PAH: variants seen among roughly 807,000 people sequenced by gnomAD.
PAH encodes phenylalanine hydroxylase, also known as phenylalanine-4-hydroxylase.
PAH carries 64 observed loss-of-function variants against 62.0 expected under a neutral mutation model. The observed-to-expected ratio is 1.03, with a 90% CI of 0.84 to 1.27. The LOEUF (loss-of-function observed/expected upper bound fraction) is 1.27, where lower values mean the gene tolerates loss of function less well. PAH is among the 50% of genes most tolerant of loss of function. PAH has a pLI of 0.00. For missense variants in PAH, 579 were observed against 542.8 expected (o/e 1.07, Z -0.66); for synonymous variants, 195 against 196.2 (o/e 0.99, Z 0.05).
At chr12:102,917,455 C>T (rs1031248322), upstream of PAH, 13 of 399,378 alleles carry the variant, frequency 3.3e-5, no homozygotes, top group African/African-American at 2.5e-4. Flanking sequence ...CAGGGAGCGA[C>T]GGGCCACCCA....
intron 2 of PAH, among the ~76,000 whole-genome samples, chr12:102,902,092 G>A (rs781689632): frequency 7.8e-4 from 119 of 152,174 alleles, no homozygotes; most frequent in Non-Finnish European, 1.1e-3. Context: ...ATGCAGCCAC[G>A]AAGTCATAAA....
intron 8 of PAH, among the ~76,000 whole-genome samples, chr12:102,847,538 A>T (rs1272789780): frequency 2.0e-5 from 3 of 152,180 alleles, no homozygotes; most frequent in African/African-American, 7.2e-5. Flanking sequence ...TCACTCTCAA[A>T]ATATTTATTA....
chr12:102,903,998 T>G (rs1877873067), intron 2 of PAH, among the ~76,000 whole-genome samples: 1 of 152,182 alleles, frequency 6.6e-6, no homozygotes, highest in Non-Finnish European at 1.5e-5. Context: ...GCTAAAAATA[T>G]AGAGCACTAC....
chr12:102,927,818 C>A, intron 1 of PAH, among the ~76,000 whole-genome samples: 1 of 151,946 alleles, frequency 6.6e-6, no homozygotes, highest in Non-Finnish European at 1.5e-5. Context: ...CAAACAAAAA[C>A]CAAAAAACAA....
At chr12:102,916,347 T>A (rs1307372599) in intron 1 of PAH, among the ~76,000 whole-genome samples, 1 of 151,942 alleles carries the variant, frequency 6.6e-6, no homozygotes, top group African/African-American at 2.4e-5. Context: ...ATCTCAAGAG[T>A]CCAGGAGCAG....
At chr12:102,881,842 G>A (rs553601195) in intron 3 of PAH, among the ~76,000 whole-genome samples, 52 of 152,136 alleles carry the variant, frequency 3.4e-4, no homozygotes, top group African/African-American at 9.9e-4. Flanking sequence ...GGAGGGTATC[G>A]CATTTTCTTC....
At chr12:102,871,374 G>A (rs919705762) in intron 4 of PAH, among the ~76,000 whole-genome samples, 32 of 152,012 alleles carry the variant, frequency 2.1e-4, no homozygotes, top group African/African-American at 7.5e-4. Context: ...CCACATCAAG[G>A]CCTTCACACG....
chr12:102,925,110 C>A (rs1878652410), intron 1 of PAH, among the ~76,000 whole-genome samples: 1 of 152,150 alleles, frequency 6.6e-6, no homozygotes, highest in African/African-American at 2.4e-5. Flanking sequence ...CCTTTCCCAG[C>A]CTTTCTTGCA....
At chr12:102,945,124 G>A (rs943124389) in intron 1 of PAH, 6 of 152,256 alleles carry the variant, frequency 3.9e-5, no homozygotes, top group Non-Finnish European at 7.3e-5. Context: ...GATGAATAGA[G>A]TCTCTCACTC....
intron 4 of PAH, among the ~76,000 whole-genome samples, chr12:102,871,742 G>A (rs1876324867): frequency 6.6e-6 from 1 of 151,840 alleles, no homozygotes; most frequent in Non-Finnish European, 1.5e-5. Context: ...GGCCCACATA[G>A]TGAAATCCTG....
chr12:102,856,699 C>T (rs925155469), intron 5 of PAH, among the ~76,000 whole-genome samples: 6 of 152,300 alleles, frequency 3.9e-5, no homozygotes, highest in East Asian at 1.9e-4. Context: ...CTGCAGCCTC[C>T]GCTGCTGACA....
At chr12:102,845,975 T>A (rs1474844084) in intron 9 of PAH, among the ~76,000 whole-genome samples, 1 of 152,220 alleles carries the variant, frequency 6.6e-6, no homozygotes, top group African/African-American at 2.4e-5. Context: ...AGAAATTCTA[T>A]CTAGCTCTGT....
intron 4 of PAH, among the ~76,000 whole-genome samples, chr12:102,867,831 CTCT>C (rs1192289005): frequency 2.4e-4 from 33 of 135,916 alleles, no homozygotes; most frequent in Non-Finnish European, 4.0e-4. Context: ...CTCTCTCTCT[CTCT>C]CCCCCTCTCT....
At chr12:102,860,140 A>G (rs1294665501) in intron 5 of PAH, among the ~76,000 whole-genome samples, 1 of 152,228 alleles carries the variant, frequency 6.6e-6, no homozygotes, top group Non-Finnish European at 1.5e-5. Context: ...GTCTCAGGAT[A>G]CAAAATCAAT....
rs930679762 is a variant in PAH, at chr12:102,926,736, G to T, written c.-95-9511C>A. 6.6e-5 allele frequency among the ~76,000 whole-genome samples: 10 copies of T among 151,960 alleles called. No individual in the cohort carries two copies. In the South Asian group the frequency reaches 2.1e-3, roughly 32 times the overall value. ...TGAATCAATTATATTAAAAACAAAG[G>T]TAATAAATACTCCAAGAAGATTACT... On this transcript the variant is annotated intron_variant, in intron 1 of 3. Transcript: ENST00000546844.
At chr12:102,931,367 G>A (rs923419947) in intron 1 of PAH, among the ~76,000 whole-genome samples, 2 of 152,142 alleles carry the variant, frequency 1.3e-5, no homozygotes, top group African/African-American at 2.4e-5. Context: ...GGGTGGGTAG[G>A]TGTTAGAGCT....
intron 3 of PAH, among the ~76,000 whole-genome samples, chr12:102,883,188 T>A (rs1876894897): frequency 6.6e-6 from 1 of 152,234 alleles, no homozygotes; most frequent in South Asian, 2.1e-4. Flanking sequence ...CAGATGATAC[T>A]TGAAAAGTCA....
At chr12:102,891,404 T>C (rs1242609334) in intron 3 of PAH, among the ~76,000 whole-genome samples, 1 of 152,148 alleles carries the variant, frequency 6.6e-6, no homozygotes. Context: ...AAGGGGTCTG[T>C]AGGGCTGCAT....
chr12:102,844,538 G>A (rs933902974), intron 9 of PAH, 107 bp from the exon 10 acceptor site: 9 of 774,440 alleles, frequency 1.2e-5, no homozygotes, highest in Non-Finnish European at 1.8e-5. Context: ...ATTATTTTGG[G>A]GTGTGTCTAT....
Sources: gnomAD v4.1 joint callset for allele counts (sites outside exome capture counted in the v4.1 genomes callset) on GRCh38, gnomAD v4.1.1 for gene constraint, MANE v1.5 for transcripts, NCBI Gene and HGNC (gene_info 2026-07-23, HGNC 2026-07-21) for gene names.